The following KALRN variants were observed in gnomAD, a reference collection of about 807,000 sequenced individuals.
KALRN encodes kalirin.
Under a neutral mutation model 353.7 loss-of-function variants are expected in KALRN, and 70 were observed. The ratio of observed to expected loss-of-function variants is 0.20; its 90% CI spans 0.16 to 0.24. The LOEUF is 0.24. Among genes scored for constraint, KALRN ranks in the 10% least tolerant of loss-of-function variants. The pLI, the probability that KALRN is intolerant of heterozygous loss-of-function variation, is 1.00. For missense variants in KALRN, 2,791 were observed against 3,756.7 expected (o/e 0.74, Z 6.72); for synonymous variants, 1,391 against 1,434.8 (o/e 0.97, Z 0.69).
chr3:124,677,417 G>A, intron 49 of KALRN: 1 of 346,110 alleles, frequency 2.9e-6, no homozygotes, highest in Non-Finnish European at 5.6e-6. Context: ...ACCCTTTGTG[G>A]GAAGAAAGAA....
chr3:124,040,836 T>A (rs1215204843), intron 1 of KALRN, among the ~76,000 whole-genome samples: 1 of 152,150 alleles, frequency 6.6e-6, no homozygotes, highest in Non-Finnish European at 1.5e-5. Flanking sequence ...ATTAATTGAA[T>A]GTGATGGACA....
intron 1 of KALRN, among the ~76,000 whole-genome samples, chr3:124,129,013 G>C (rs2064993594): frequency 6.6e-6 from 1 of 152,068 alleles, no homozygotes; most frequent in Admixed American, 6.6e-5. Context: ...CATCTAGAGA[G>C]CCAAGCAGAA....
At chr3:124,288,300 G>A (rs1359281313) in intron 5 of KALRN, among the ~76,000 whole-genome samples, 1 of 152,224 alleles carries the variant, frequency 6.6e-6, no homozygotes, top group Non-Finnish European at 1.5e-5. Flanking sequence ...GGCTTATTTG[G>A]TCAAGAAAGG....
chr3:124,543,597 G>A (rs1417910470), intron 33 of KALRN, among the ~76,000 whole-genome samples: 3 of 151,910 alleles, frequency 2.0e-5, no homozygotes, highest in Non-Finnish European at 4.4e-5. Context: ...CACCGCGCCC[G>A]GCCTTGTGGA....
chr3:124,127,136 G>C (rs2064778556), intron 1 of KALRN, among the ~76,000 whole-genome samples: 1 of 152,062 alleles, frequency 6.6e-6, no homozygotes, highest in Non-Finnish European at 1.5e-5. Context: ...CAGATTTGTG[G>C]GTGAGACTTG....
chr3:124,435,015 G>A (rs1006773929), intron 17 of KALRN, among the ~76,000 whole-genome samples: 2 of 152,128 alleles, frequency 1.3e-5, no homozygotes, highest in African/African-American at 4.8e-5. Flanking sequence ...GCCATCTCAG[G>A]CACATTTATA....
At chr3:124,244,106 A>G (rs543417192) in intron 3 of KALRN, among the ~76,000 whole-genome samples, 13 of 152,364 alleles carry the variant, frequency 8.5e-5, no homozygotes, top group Admixed American at 7.8e-4. Flanking sequence ...ATATTTTTAA[A>G]TTAGAAAGAT....
chr3:124,233,370 C>T (rs17286604), intron 2 of KALRN, among the ~76,000 whole-genome samples: 43,064 of 152,006 alleles, frequency 0.28, 7,587 homozygotes, highest in Non-Finnish European at 0.4. Context: ...AGATGGGGAC[C>T]ATTTCCAAGG....
At chr3:124,162,756 G>T (rs2070185546) in intron 1 of KALRN, 1 of 152,228 alleles carries the variant, frequency 6.6e-6, no homozygotes, top group Admixed American at 6.5e-5. Flanking sequence ...CCTCACTGTA[G>T]GTTATTCCAA....
At chr3:124,354,353 A>C (rs956967612) in intron 10 of KALRN, among the ~76,000 whole-genome samples, 2 of 152,214 alleles carry the variant, frequency 1.3e-5, no homozygotes, top group Non-Finnish European at 2.9e-5. Context: ...ATGGTATTTA[A>C]AAAGTTTTCT....
At chr3:124,365,886 G>A (rs78579583) in intron 10 of KALRN, among the ~76,000 whole-genome samples, 15 of 152,334 alleles carry the variant, frequency 9.8e-5, no homozygotes, top group African/African-American at 3.6e-4. Context: ...GGCTCTAGGG[G>A]TGTGATCAGA....
At chr3:124,285,827 C>T (rs2075780218) in intron 5 of KALRN, among the ~76,000 whole-genome samples, 1 of 152,222 alleles carries the variant, frequency 6.6e-6, no homozygotes, top group Non-Finnish European at 1.5e-5. Context: ...TGAGCCACTG[C>T]ACCCTGCTTA....
chr3:124,168,235 G>A (rs1319029374), intron 1 of KALRN, among the ~76,000 whole-genome samples: 1 of 152,164 alleles, frequency 6.6e-6, no homozygotes, highest in Admixed American at 6.5e-5. Flanking sequence ...AAAAGTTGAA[G>A]AGTTATGCGT....
chr3:124,351,654 G>C (rs983820378), intron 10 of KALRN, among the ~76,000 whole-genome samples: 1 of 152,200 alleles, frequency 6.6e-6, no homozygotes, highest in African/African-American at 2.4e-5. Context: ...GATAGTGGAG[G>C]CATCTGTGAT....
intron 5 of KALRN, among the ~76,000 whole-genome samples, chr3:124,282,120 C>A (rs1235477472): frequency 2.0e-5 from 3 of 152,062 alleles, no homozygotes; most frequent in Non-Finnish European, 2.9e-5. Flanking sequence ...TCGAGACACT[C>A]AAGGGAAGAA....
chr3:124,126,983 T>A (rs1197925659), intron 1 of KALRN, among the ~76,000 whole-genome samples: 1 of 152,194 alleles, frequency 6.6e-6, no homozygotes, highest in African/African-American at 2.4e-5. Context: ...AAGGTGCTGT[T>A]GTCTATCTGG....
rs1325890592 is a variant in KALRN, at chr3:124,666,450, G to A, written c.6347G>A (p.Gly2116Asp). The A allele has an allele frequency of 6.2e-7, 1 of 1,613,736 alleles. No homozygotes were observed. The highest frequency in any genetic ancestry group is 1.3e-5 in the African/African-American group (1 of 74,936). ...MNLGRLQGFE[G>D]TLTAQGKLLQ... ...CACCCCAGCCCGTCTTTCCTTCAGGGCACTCTGACTGCTCAGGGGAAGCTG... is the reference window on the plus strand; with the variant it reads ...CACCCCAGCCCGTCTTTCCTTCAGGACACTCTGACTGCTCAGGGGAAGCTG... Residue 2116 changes from glycine (G) to aspartate (D), a missense_variant and splice_region_variant, in exon 46 of 60, where the codon GGC becomes GAC. By Grantham distance (94) the Gly-to-Asp change is moderately conservative. This residue lies in a region of KALRN where 1,065 missense variants were observed against 1,156.4 expected (regional missense o/e 0.92). Coordinates refer to ENST00000682506, the MANE Select transcript of KALRN (RefSeq NM_001388419.1).
intron 10 of KALRN, among the ~76,000 whole-genome samples, chr3:124,349,030 AT>A (rs1457867740): frequency 6.6e-6 from 1 of 152,188 alleles, no homozygotes; most frequent in Non-Finnish European, 1.5e-5. Flanking sequence ...TCAAACAGAT[AT>A]TTATACACCC....
At chr3:124,083,066 T>C (rs886250458) in intron 1 of KALRN, among the ~76,000 whole-genome samples, 2 of 152,248 alleles carry the variant, frequency 1.3e-5, no homozygotes, top group Admixed American at 6.5e-5. Flanking sequence ...CTGTGAGCTC[T>C]TGGAGAGCAG....
Sources: gnomAD v4.1 joint callset for allele counts (sites outside exome capture counted in the v4.1 genomes callset) on GRCh38, gnomAD v4.1.1 for gene constraint, gnomAD v4.1.1 regional missense constraint, MANE v1.5 for transcripts, NCBI Gene and HGNC (gene_info 2026-07-23, HGNC 2026-07-21) for gene names.